The following ENOX1 variants were observed in gnomAD, a reference collection of about 807,000 sequenced individuals.
ENOX1 encodes ecto-NOX disulfide-thiol exchanger 1.
In ENOX1, 42 loss-of-function variants were observed where a neutral mutation model predicts 82.5. The observed-to-expected ratio is 0.51, with a 90% CI of 0.40 to 0.66. ENOX1 has a LOEUF of 0.66. Ranked by LOEUF, ENOX1 falls within the 30% of genes least tolerant of loss-of-function variation. ENOX1 has a pLI of 0.00. For missense variants in ENOX1, 608 were observed against 811.6 expected, an observed-to-expected ratio of 0.75 and a Z score of 3.05; for synonymous variants, 271 against 282.2, an observed-to-expected ratio of 0.96 and a Z score of 0.40.
chr13:43,282,651 T>C (rs1018298165), intron 12 of ENOX1, among the ~76,000 whole-genome samples: 1 of 151,956 alleles, frequency 6.6e-6, no homozygotes, highest in Non-Finnish European at 1.5e-5. Context: ...CTCAAACTCC[T>C]GGGCTCAAGG....
chr13:43,329,157 G>A (rs1253157979), intron 9 of ENOX1, among the ~76,000 whole-genome samples: 1 of 152,232 alleles, frequency 6.6e-6, no homozygotes, highest in Non-Finnish European at 1.5e-5. Flanking sequence ...ATAGAGTTGT[G>A]GGAGGATGAG....
At chr13:43,585,660 C>G (rs1488403854) in intron 2 of ENOX1, among the ~76,000 whole-genome samples, 2 of 152,216 alleles carry the variant, frequency 1.3e-5, no homozygotes, top group African/African-American at 2.4e-5. Context: ...TCACTGCAAC[C>G]TCCGTCTCCT....
chr13:43,753,249 C>A (rs1214004604), intron 1 of ENOX1, among the ~76,000 whole-genome samples: 4 of 151,952 alleles, frequency 2.6e-5, no homozygotes, highest in Non-Finnish European at 4.4e-5. Flanking sequence ...ATCTATAGAT[C>A]AATTTGGGAA....
At chr13:43,420,985 G>C (rs2054939244) in intron 3 of ENOX1, among the ~76,000 whole-genome samples, 1 of 152,168 alleles carries the variant, frequency 6.6e-6, no homozygotes, top group Non-Finnish European at 1.5e-5. Context: ...TTGAGGAATA[G>C]ATTTAGATTA....
intron 2 of ENOX1, among the ~76,000 whole-genome samples, chr13:43,501,145 A>G (rs961697465): frequency 2.0e-5 from 3 of 151,788 alleles, no homozygotes; most frequent in Non-Finnish European, 4.4e-5. Context: ...TTAAGGACAC[A>G]CAGACTGAAA....
In ENOX1 at chr13:43,355,903, C is replaced by G. The variant is rs561871262; in HGVS notation, c.823+16G>C. ...ATCCCTGTGGAGGAAGAAAAGCCAGCGTGGGTGGCCCATACCTTTCAGCTT... is the reference window on the plus strand; with the variant it reads ...ATCCCTGTGGAGGAAGAAAAGCCAGGGTGGGTGGCCCATACCTTTCAGCTT... On this transcript the variant is annotated intron_variant, in intron 8 of 16. Coordinates refer to ENST00000690772, the MANE Select transcript of ENOX1 (RefSeq NM_001347969.2). 6.5e-5 allele frequency: 104 copies of G among 1,598,930 alleles called. No homozygotes were observed. The South Asian group carries it at 1.1e-3, about 18-fold the overall frequency.
intron 3 of ENOX1, among the ~76,000 whole-genome samples, chr13:43,431,027 T>C (rs77956769): frequency 0.013 from 1,755 of 130,818 alleles, 26 homozygotes; most frequent in African/African-American, 0.042. Flanking sequence ...AACTAAGCCA[T>C]TTCAAATGAA....
chr13:43,550,253 G>C (rs2079137076), intron 2 of ENOX1, among the ~76,000 whole-genome samples: 1 of 152,104 alleles, frequency 6.6e-6, no homozygotes, highest in Non-Finnish European at 1.5e-5. Context: ...CTGCTCTAGG[G>C]TGCAGGAAAA....
rs141021394 is a variant in ENOX1 at position 43,316,999 on chromosome 13, C to T, written c.1261+5385G>A. Reference sequence around the variant, plus strand: ...ATTCAGTGGTCAGTGATGGACACACCCCACTGGTCTATTTCTCTTTCAGGA... The same window carrying T: ...ATTCAGTGGTCAGTGATGGACACACTCCACTGGTCTATTTCTCTTTCAGGA... On this transcript the variant is annotated intron_variant, in intron 11 of 16. Coordinates refer to ENST00000690772, the MANE Select transcript of ENOX1 (RefSeq NM_001347969.2). Among the ~76,000 whole-genome samples the T allele has an allele frequency of 7.9e-5, 12 of 152,290 alleles. 1 individual carries two copies. The highest frequency in any genetic ancestry group is 2.9e-4 in the African/African-American group (12 of 41,554).
chr13:43,322,304 G>T, intron 11 of ENOX1, 80 bp downstream of exon 11: 1 of 1,045,140 alleles, frequency 9.6e-7, no homozygotes, highest in Non-Finnish European at 1.4e-6. Flanking sequence ...GTGAGTTATA[G>T]GGCCATTTAC....
intron 9 of ENOX1, among the ~76,000 whole-genome samples, chr13:43,331,260 G>A (rs551374668): frequency 2.0e-5 from 3 of 152,290 alleles, no homozygotes; most frequent in African/African-American, 7.2e-5. Flanking sequence ...ATGTCTTGCC[G>A]ACTGCCTTCT....
At chr13:43,226,146 A>T in intron 15 of ENOX1, among the ~76,000 whole-genome samples, 1 of 152,158 alleles carries the variant, frequency 6.6e-6, no homozygotes, top group East Asian at 1.9e-4. Flanking sequence ...AATTCTGGTG[A>T]AGTGGCATTC....
At chr13:43,689,405 C>T (rs189724323) in intron 1 of ENOX1, among the ~76,000 whole-genome samples, 1 of 152,298 alleles carries the variant, frequency 6.6e-6, no homozygotes, top group Admixed American at 6.5e-5. Context: ...TAAAACGAGA[C>T]TGTGTTAGAT....
chr13:43,625,245 C>T (rs1001399076), intron 2 of ENOX1, among the ~76,000 whole-genome samples: 2 of 151,888 alleles, frequency 1.3e-5, no homozygotes, highest in African/African-American at 4.8e-5. Context: ...TGAGCTAACT[C>T]CAGGATTTTT....
intron 5 of ENOX1, among the ~76,000 whole-genome samples, chr13:43,402,283 C>T (rs1258213053): frequency 3.3e-5 from 5 of 152,126 alleles, no homozygotes; most frequent in African/African-American, 1.2e-4. Context: ...AATAAGGGGG[C>T]TGGAGGTCAT....
At chr13:43,317,222 G>A (rs1260952977) in intron 11 of ENOX1, among the ~76,000 whole-genome samples, 1 of 152,198 alleles carries the variant, frequency 6.6e-6, no homozygotes, top group Non-Finnish European at 1.5e-5. Context: ...TCTCGGGTGA[G>A]CCTGCTTTCA....
rs976730105 is a variant in ENOX1, at chr13:43,737,788, C to T, written c.-285+48864G>A. ...TGTGACCATCATGCATTTACCTTGA[C>T]TTTTATTATTTAAAATACACATACA... is the stretch of plus-strand genomic sequence containing the variant. On this transcript the variant is annotated intron_variant, in intron 1 of 16. Transcript: ENST00000690772. Among the ~76,000 whole-genome samples the T allele has an allele frequency of 3.3e-5, 5 of 152,144 alleles. No homozygotes were observed. The East Asian group carries it at 9.6e-4, about 29-fold the overall frequency.
Position 43,267,984 on chromosome 13 carries a change from G to A in ENOX1, c.1554+1486C>T, listed in dbSNP as rs2044480266. On this transcript the variant is annotated intron_variant, in intron 13 of 16. Coordinates refer to ENST00000690772, the MANE Select transcript of ENOX1 (RefSeq NM_001347969.2). ...AAAATAATGGAGAGTGAAGTGTGAT[G>A]TTTCACCCATAATTGTGTGTGCTCT... 3.9e-5 allele frequency among the ~76,000 whole-genome samples: 6 copies of A among 152,038 alleles called. No individual in the cohort carries two copies. In the South Asian group the frequency reaches 1.2e-3, roughly 32 times the overall value.
At chr13:43,529,491 T>C (rs536165589) in intron 2 of ENOX1, among the ~76,000 whole-genome samples, 7 of 152,132 alleles carry the variant, frequency 4.6e-5, no homozygotes, top group Non-Finnish European at 1.0e-4. Flanking sequence ...CTAAGATCTA[T>C]GCTAAGAATC....
Sources: allele counts gnomAD v4.1 joint callset (sites outside exome capture counted in the v4.1 genomes callset), GRCh38; gene constraint gnomAD v4.1.1; transcripts MANE v1.5; gene names NCBI Gene and HGNC (gene_info 2026-07-23, HGNC 2026-07-21).